Variants in RCC1L observed in about 807,000 individuals in gnomAD.
RCC1L encodes the protein RCC1 like.
Under a neutral mutation model 58.6 loss-of-function variants are expected in RCC1L, and 46 were observed. That is an observed-to-expected ratio of 0.79 (90% CI 0.62 to 1.00). The LOEUF is 1.00. RCC1L is among the 50% of genes least tolerant of loss of function. The pLI is 0.00. For missense variants in RCC1L, 636 were observed against 623.6 expected, an observed-to-expected ratio of 1.02 and a Z score of -0.21; for synonymous variants, 281 against 262.9, an observed-to-expected ratio of 1.07 and a Z score of -0.67.
chr7:75,052,821 T>G, intron 9 of RCC1L, 25 bp from the exon 10 acceptor site: 1 of 1,602,616 alleles, frequency 6.2e-7, no homozygotes, highest in Non-Finnish European at 8.5e-7. Context: ...AAACAGGGGT[T>G]GGTTGGGACT....
At chr7:75,051,349 C>CACACATATATATAT (rs1805907890) in intron 10 of RCC1L, among the ~76,000 whole-genome samples, 1 of 147,340 alleles carries the variant, frequency 6.8e-6, no homozygotes, top group African/African-American at 2.5e-5. Context: ...TATATATACA[C>CACACATATATATAT]ACACACATAT....
Position 75,057,668 on chromosome 7 carries a change from G to A in RCC1L, c.970-52C>T, listed in dbSNP as rs1362768977. ...TTAGGAAAGCAAGCCAGTAAGGACCGGGAAGTGTTCTGGTCTTAGGTACAG... is the reference window on the plus strand; with the variant it reads ...TTAGGAAAGCAAGCCAGTAAGGACCAGGAAGTGTTCTGGTCTTAGGTACAG... On this transcript the variant is annotated intron_variant, in intron 7 of 10. Coordinates refer to ENST00000610322, the MANE Select transcript of RCC1L (RefSeq NM_030798.5). 3.4e-5 allele frequency: 53 copies of A among 1,567,770 alleles called. No homozygotes were observed. The African/African-American group carries it at 4.1e-4, about 12-fold the overall frequency.
intron 2 of RCC1L, among the ~76,000 whole-genome samples, chr7:75,067,232 C>G (rs1170603049): frequency 1.3e-5 from 2 of 151,278 alleles, no homozygotes; most frequent in African/African-American, 4.9e-5. Context: ...ACCCGGAAGG[C>G]GGAGGTTGCA....
chr7:75,044,129 A>G (rs1805647028), intron 10 of RCC1L, among the ~76,000 whole-genome samples: 1 of 152,136 alleles, frequency 6.6e-6, no homozygotes. Flanking sequence ...ACTGTTCTAT[A>G]GCCTCGCCAT....
chr7:75,059,321 G>A (rs1296971242), intron 6 of RCC1L, among the ~76,000 whole-genome samples: 3 of 149,872 alleles, frequency 2.0e-5, no homozygotes, highest in East Asian at 3.9e-4. Context: ...GCAGCGCAGT[G>A]GTGCGATCTC....
intron 2 of RCC1L, among the ~76,000 whole-genome samples, chr7:75,069,894 C>T (rs587756871): frequency 5.3e-5 from 8 of 152,250 alleles, no homozygotes; most frequent in African/African-American, 1.9e-4. Context: ...TGAGGCACCA[C>T]GCCCAGCCAG....
Position 75,055,253 on chromosome 7 carries a change from C to T in RCC1L, c.1231+648G>A, listed in dbSNP as rs952364830. ...ACTAAAGAGCAGCAAATTGAACCCACGGTAACTGTGGTGGAGTAAGAGATG... is the reference window on the plus strand; with the variant it reads ...ACTAAAGAGCAGCAAATTGAACCCATGGTAACTGTGGTGGAGTAAGAGATG... On this transcript the variant is annotated intron_variant, in intron 9 of 10. Transcript: ENST00000610322. 3.1e-3 allele frequency among the ~76,000 whole-genome samples: 475 copies of T among 152,292 alleles called. 3 individuals carry two copies. The highest frequency in any genetic ancestry group is 0.011 in the African/African-American group (451 of 41,572).
At chr7:75,056,637 C>T in intron 8 of RCC1L, 1 of 1,535,412 alleles carries the variant, frequency 6.5e-7, no homozygotes, top group South Asian at 1.2e-5. Context: ...TGGAGTCTCT[C>T]TGGCCCAGGC....
downstream of RCC1L, among the ~76,000 whole-genome samples, chr7:75,040,334 C>T (rs1379530940): frequency 1.3e-5 from 2 of 152,192 alleles, no homozygotes; most frequent in Non-Finnish European, 2.9e-5. Flanking sequence ...GTAGTGCATG[C>T]CTCTAGGCCC....
At chr7:75,070,901 TCTCA>T in intron 1 of RCC1L, 132 bp from the exon 2 acceptor site, 1 of 1,193,298 alleles carries the variant, frequency 8.4e-7, no homozygotes, top group South Asian at 1.5e-5. Context: ...TTTGAGACAG[TCTCA>T]CTCTGTTGCC....
chr7:75,027,807 G>A (rs936998288), exon 11 of RCC1L: 19 of 604,598 alleles, frequency 3.1e-5, no homozygotes, highest in South Asian at 5.7e-5. Flanking sequence ...TGTGTGTAGC[G>A]TAGTCTTGGT....
chr7:75,051,215 T>A (rs1187077613), intron 10 of RCC1L, among the ~76,000 whole-genome samples: 3 of 146,226 alleles, frequency 2.1e-5, no homozygotes, highest in Non-Finnish European at 3.0e-5. Context: ...TATAAACGTA[T>A]AATATAAATG....
In RCC1L at chr7:75,073,716, C is replaced by T; in HGVS notation, c.22G>A (p.Ala8Thr). 3 of 1,503,940 alleles carry T rather than the reference C, an allele frequency of 2.0e-6. No homozygotes were observed. The highest frequency in any genetic ancestry group is 2.6e-6 in the Non-Finnish European group (3 of 1,133,692). The allele number at this position is 1,503,940 out of a possible 1,614,324, so 93.2% of individuals were successfully genotyped here. Residue 8 changes from alanine to threonine, a missense_variant, in exon 1 of 11, where the codon GCT becomes ACT. Transcript: ENST00000610322. Reference protein sequence around the residue: MALVALVAGARLGRRLSG... With the variant: MALVALVTGARLGRRLSG... ...AGCCGCCGCCCCAGCCGAGCCCCAGCCACCAACGCCACCAGCGCCATCCTC... is the reference window on the plus strand; with the variant it reads ...AGCCGCCGCCCCAGCCGAGCCCCAGTCACCAACGCCACCAGCGCCATCCTC...
chr7:75,067,484 C>T (rs1554445343), intron 2 of RCC1L, among the ~76,000 whole-genome samples: 1 of 151,816 alleles, frequency 6.6e-6, no homozygotes, highest in African/African-American at 2.4e-5. Context: ...ACAAAATTAG[C>T]CAGACGTGAT....
intron 9 of RCC1L, among the ~76,000 whole-genome samples, chr7:75,054,271 C>T (rs1171959302): frequency 2.0e-5 from 3 of 152,166 alleles, no homozygotes; most frequent in Admixed American, 1.3e-4. Flanking sequence ...ACAGGATAAA[C>T]CAACCAACTC....
intron 1 of RCC1L, among the ~76,000 whole-genome samples, chr7:75,072,563 C>A (rs1443449396): frequency 6.6e-6 from 1 of 152,046 alleles, no homozygotes; most frequent in African/African-American, 2.4e-5. Flanking sequence ...ACAGTGACAA[C>A]CCCAAGGTCT....
intron 10 of RCC1L, among the ~76,000 whole-genome samples, chr7:75,043,601 C>T (rs887670242): frequency 1.3e-5 from 2 of 152,216 alleles, no homozygotes; most frequent in Non-Finnish European, 2.9e-5. Context: ...CTGTAGCTCA[C>T]GCCCATAATC....
At chr7:75,039,766 T>A (rs999330482), downstream of RCC1L, among the ~76,000 whole-genome samples, 19 of 152,128 alleles carry the variant, frequency 1.2e-4, no homozygotes, top group African/African-American at 4.1e-4. Context: ...ACACATGGGG[T>A]TGGTACAAGG....
chr7:75,029,002 G>A (rs2131963872), intron 10 of RCC1L, among the ~76,000 whole-genome samples: 1 of 152,252 alleles, frequency 6.6e-6, no homozygotes, highest in Admixed American at 6.5e-5. Flanking sequence ...GGAAGCAGCA[G>A]CGTAGCCAGG....
Sources: gnomAD v4.1 joint callset for allele counts (sites outside exome capture counted in the v4.1 genomes callset) on GRCh38, gnomAD v4.1.1 for gene constraint, MANE v1.5 for transcripts, NCBI Gene and HGNC (gene_info 2026-07-23, HGNC 2026-07-21) for gene names.